Variants in KCNAB1 observed in about 807,000 individuals in gnomAD.
KCNAB1 encodes voltage-gated potassium channel subunit beta-1.
Under a neutral mutation model 64.6 loss-of-function variants are expected in KCNAB1, and 35 were observed. That is an observed-to-expected ratio of 0.54 (90% CI 0.41 to 0.72). KCNAB1 has a LOEUF of 0.72. Ranked by LOEUF, KCNAB1 falls within the 30% of genes least tolerant of loss-of-function variation. The pLI, the probability that KCNAB1 is intolerant of heterozygous loss-of-function variation, is 0.00. For missense variants in KCNAB1, 401 were observed against 512.9 expected (o/e 0.78, Z 2.11); for synonymous variants, 177 against 183.8 (o/e 0.96, Z 0.30).
Position 156,120,903 on chromosome 3 carries a change from C to G in KCNAB1, c.275+17C>G, listed in dbSNP as rs375932233. On this transcript the variant is annotated intron_variant, in intron 1 of 13. Coordinates refer to ENST00000490337, the MANE Select transcript of KCNAB1 (RefSeq NM_172160.3). Reference sequence around the variant, plus strand: ...GCCGCACAGGTAAGCTGCCCCTGCTCTGCGCGGGCTTTGGGAGACGCCGTT... The same window carrying G: ...GCCGCACAGGTAAGCTGCCCCTGCTGTGCGCGGGCTTTGGGAGACGCCGTT... 56 of 1,611,062 alleles carry G rather than the reference C, an allele frequency of 3.5e-5. No homozygotes were observed. The African/African-American group carries it at 6.7e-4, about 19-fold the overall frequency.
In KCNAB1 at chr3:156,281,558, A is replaced by G. The variant is rs538781986; in HGVS notation, c.276-140058A>G. Among the ~76,000 whole-genome samples the G allele has an allele frequency of 1.4e-4, 21 of 152,280 alleles. 1 individual carries two copies. In the South Asian group the frequency reaches 3.9e-3, roughly 29 times the overall value. On this transcript the variant is annotated intron_variant, in intron 1 of 13. Transcript: ENST00000490337. ...AGGAATGGTACCAATTCCTCCTTGT[A>G]TCTCTGGTAGAATTCGGCTGTGAGT...
intron 13 of KCNAB1, among the ~76,000 whole-genome samples, chr3:156,535,398 G>A (rs1259309950): frequency 6.6e-6 from 1 of 152,190 alleles, no homozygotes; most frequent in African/African-American, 2.4e-5. Flanking sequence ...ATGGTGTAAT[G>A]TGTACCCTTG....
intron 2 of KCNAB1, among the ~76,000 whole-genome samples, chr3:156,426,232 C>G (rs905420818): frequency 6.6e-6 from 1 of 152,196 alleles, no homozygotes; most frequent in Non-Finnish European, 1.5e-5. Context: ...CCATCTCTCT[C>G]CACTCTCTTC....
chr3:156,408,332 C>A (rs139162943), intron 1 of KCNAB1, among the ~76,000 whole-genome samples: 2 of 152,256 alleles, frequency 1.3e-5, no homozygotes, highest in Non-Finnish European at 2.9e-5. Context: ...AACATCACAC[C>A]ATACTCCTTG....
At chr3:156,157,198 A>G (rs972935772) in intron 1 of KCNAB1, among the ~76,000 whole-genome samples, 1 of 152,200 alleles carries the variant, frequency 6.6e-6, no homozygotes, top group African/African-American at 2.4e-5. Context: ...ACACAGCACT[A>G]TGCTTGAAAG....
intron 1 of KCNAB1, among the ~76,000 whole-genome samples, chr3:156,262,450 A>T (rs935727183): frequency 6.6e-6 from 1 of 151,888 alleles, no homozygotes; most frequent in African/African-American, 2.4e-5. Flanking sequence ...TGAGCTGATT[A>T]TGCATTCTTT....
At chr3:156,293,788 T>C (rs918471741) in intron 1 of KCNAB1, among the ~76,000 whole-genome samples, 4 of 152,214 alleles carry the variant, frequency 2.6e-5, no homozygotes, top group African/African-American at 9.6e-5. Context: ...AGTCCACTGA[T>C]GTTTTCTATG....
intron 10 of KCNAB1, 40 bp from the exon 11 acceptor site, chr3:156,516,230 C>G (rs1717550055): frequency 6.7e-7 from 1 of 1,494,688 alleles, no homozygotes; most frequent in Non-Finnish European, 9.3e-7. Flanking sequence ...CTTTTGATCC[C>G]AATTTGCACA....
chr3:156,312,170 A>C (rs1193400563), intron 1 of KCNAB1, among the ~76,000 whole-genome samples: 1 of 152,244 alleles, frequency 6.6e-6, no homozygotes, highest in African/African-American at 2.4e-5. Flanking sequence ...TTTTGAGATG[A>C]CTGGCAGTGT....
intron 1 of KCNAB1, among the ~76,000 whole-genome samples, chr3:156,392,411 T>C (rs933123795): frequency 4.6e-5 from 7 of 152,232 alleles, no homozygotes; most frequent in African/African-American, 1.7e-4. Context: ...TAGTCTCTCA[T>C]TTCAGAAAAA....
At chr3:156,136,925 A>G (rs892956616) in intron 1 of KCNAB1, among the ~76,000 whole-genome samples, 4 of 152,230 alleles carry the variant, frequency 2.6e-5, no homozygotes, top group African/African-American at 7.2e-5. Context: ...AATGCAGAAT[A>G]GCAGTTAAAT....
At chr3:156,517,615 C>T (rs938265765) in intron 11 of KCNAB1, among the ~76,000 whole-genome samples, 2 of 152,154 alleles carry the variant, frequency 1.3e-5, no homozygotes, top group African/African-American at 2.4e-5. Flanking sequence ...CTGAGAATTA[C>T]AATTTTACTA....
intron 1 of KCNAB1, among the ~76,000 whole-genome samples, chr3:156,244,728 A>G (rs1018566947): frequency 1.3e-5 from 2 of 152,178 alleles, no homozygotes; most frequent in Admixed American, 6.5e-5. Context: ...TTCCTCTTTC[A>G]GATTTTACCA....
rs748669063 is a variant in KCNAB1, at chr3:156,537,130, G to A, written c.*383G>A. 7.5e-6 allele frequency: 3 copies of A among 400,044 alleles called. No individual in the cohort carries two copies. The highest frequency in any genetic ancestry group is 4.1e-5 in the African/African-American group (2 of 48,564). The allele number at this position is 400,044 out of a possible 1,614,324, so 24.8% of individuals were successfully genotyped here. ...AATCCACAGATGCAATGTGAGTTGC[G>A]TAAGAAACAGAGTAGATAGACTAAA... On this transcript the variant is annotated 3_prime_UTR_variant, in exon 14 of 14. Coordinates refer to ENST00000490337, the MANE Select transcript of KCNAB1 (RefSeq NM_172160.3).
At chr3:156,301,211 G>GT (rs3836228) in intron 1 of KCNAB1, among the ~76,000 whole-genome samples, 12,258 of 149,074 alleles carry the variant, frequency 0.082, 516 homozygotes, top group Middle Eastern at 0.13. Flanking sequence ...TTTATGTTTT[G>GT]TTTTTTTTTT....
At chr3:156,331,677 G>A (rs1446915195) in intron 1 of KCNAB1, among the ~76,000 whole-genome samples, 1 of 151,914 alleles carries the variant, frequency 6.6e-6, no homozygotes, top group Non-Finnish European at 1.5e-5. Context: ...AGCAGATAGT[G>A]GTGGGCATTT....
intron 1 of KCNAB1, among the ~76,000 whole-genome samples, chr3:156,299,638 C>A (rs950117603): frequency 1.3e-5 from 2 of 152,160 alleles, no homozygotes; most frequent in African/African-American, 4.8e-5. Context: ...AAGTCGAAAT[C>A]AAACACATTT....
chr3:156,354,198 C>T (rs1269683935), intron 1 of KCNAB1, among the ~76,000 whole-genome samples: 1 of 146,006 alleles, frequency 6.8e-6, no homozygotes, highest in Non-Finnish European at 1.5e-5. Flanking sequence ...CTCTTAGTAC[C>T]CAGGCTGGAG....
intron 11 of KCNAB1, 165 bp from the exon 12 acceptor site, chr3:156,523,662 T>C (rs549952440): frequency 1.5e-6 from 1 of 667,982 alleles, no homozygotes; most frequent in East Asian, 2.6e-5. Flanking sequence ...AGGAGCAAGA[T>C]CGTGAGGAAC....
Sources: gnomAD v4.1 joint callset for allele counts (sites outside exome capture counted in the v4.1 genomes callset) on GRCh38, gnomAD v4.1.1 for gene constraint, MANE v1.5 for transcripts, NCBI Gene and HGNC (gene_info 2026-07-23, HGNC 2026-07-21) for gene names.